The following ARHGEF33 variants were observed in gnomAD, a reference collection of about 807,000 sequenced individuals.
ARHGEF33 encodes Rho guanine nucleotide exchange factor 33.
A neutral mutation model predicts 101.9 loss-of-function variants in ARHGEF33; 72 were observed. That is an observed-to-expected ratio of 0.71 (90% CI 0.58 to 0.86). ARHGEF33 has a LOEUF of 0.86. ARHGEF33 is among the 40% of genes least tolerant of loss of function. The probability of loss-of-function intolerance (pLI) is 0.00; values close to 1 mark genes in which losing one functional copy is unlikely to be tolerated. For missense variants in ARHGEF33, 1,169 were observed against 1,111.3 expected, an observed-to-expected ratio of 1.05 and a Z score of -0.74; for synonymous variants, 499 against 442.5, an observed-to-expected ratio of 1.13 and a Z score of -1.60.
intron 10 of ARHGEF33, among the ~76,000 whole-genome samples, chr2:38,946,357 A>T (rs1053615233): frequency 6.6e-6 from 1 of 152,220 alleles, no homozygotes; most frequent in Non-Finnish European, 1.5e-5. Flanking sequence ...ACAATCCTCT[A>T]TGAAAGTAAG....
At chr2:38,964,729 CTG>C (rs1432512324) in intron 16 of ARHGEF33, among the ~76,000 whole-genome samples, 1 of 152,060 alleles carries the variant, frequency 6.6e-6, no homozygotes, top group African/African-American at 2.4e-5. Context: ...TCACCTTCTG[CTG>C]TGTGGCCCAG....
chr2:38,955,433 G>C (rs1221710653), intron 13 of ARHGEF33, among the ~76,000 whole-genome samples: 1 of 149,850 alleles, frequency 6.7e-6, no homozygotes, highest in Non-Finnish European at 1.5e-5. Flanking sequence ...TTAATTTCAG[G>C]TAGAAGTAGT....
chr2:38,912,990 A>G (rs1337074736), intron 2 of ARHGEF33, among the ~76,000 whole-genome samples: 1 of 151,846 alleles, frequency 6.6e-6, no homozygotes, highest in Non-Finnish European at 1.5e-5. Context: ...TGTCTCCACC[A>G]TTCCTTATAT....
chr2:38,954,502 A>T, intron 13 of ARHGEF33, 46 bp downstream of exon 13: 5 of 1,190,998 alleles, frequency 4.2e-6, no homozygotes, highest in Non-Finnish European at 3.7e-6. Context: ...CATGCTAAGT[A>T]ATTATTGGTT....
intron 4 of ARHGEF33, among the ~76,000 whole-genome samples, chr2:38,923,143 T>C (rs1304195823): frequency 1.3e-5 from 2 of 152,196 alleles, no homozygotes; most frequent in East Asian, 1.9e-4. Context: ...CATTATCTTA[T>C]TGCACTACAA....
At chr2:38,962,083 A>C (rs747969958) in intron 16 of ARHGEF33, among the ~76,000 whole-genome samples, 1 of 152,216 alleles carries the variant, frequency 6.6e-6, no homozygotes, top group Non-Finnish European at 1.5e-5. Context: ...TAGTGTGCTC[A>C]GCTAAAGCTG....
Position 38,906,151 on chromosome 2 carries a change from C to T in ARHGEF33, c.-86+10302C>T, listed in dbSNP as rs139133929. ...CAAGATTGAGCCAAGATTGTGCCAC[C>T]GCACTCCAGCCTGGGTGACAGAGCA... On this transcript the variant is annotated intron_variant, in intron 2 of 17. Coordinates refer to ENST00000409978, the MANE Select transcript of ARHGEF33 (RefSeq NM_001145451.5). Among the ~76,000 whole-genome samples, 1,005 of 148,080 alleles carry T rather than the reference C, an allele frequency of 6.8e-3. 13 individuals are homozygous for T. The highest frequency in any genetic ancestry group is 0.023 in the African/African-American group (935 of 39,956).
chr2:38,894,300 C>A (rs1187295461), intron 1 of ARHGEF33, among the ~76,000 whole-genome samples: 1 of 151,724 alleles, frequency 6.6e-6, no homozygotes, highest in Non-Finnish European at 1.5e-5. Flanking sequence ...CCACTGCACT[C>A]CAGCCTGGGC....
At chr2:38,953,108 A>G (rs1351704787) in intron 11 of ARHGEF33, 54 bp from the exon 12 acceptor site, 1 of 818,082 alleles carries the variant, frequency 1.2e-6, no homozygotes, top group African/African-American at 1.7e-5. Flanking sequence ...CTATAAAAAT[A>G]TTATAGATCC....
At chr2:38,931,002 C>A in intron 6 of ARHGEF33, 107 bp from the exon 7 acceptor site, 1 of 861,224 alleles carries the variant, frequency 1.2e-6, no homozygotes, top group South Asian at 2.3e-5. Flanking sequence ...TTATATAGTT[C>A]AACCTAATAA....
At chr2:38,922,004 T>G (rs1173635761) in intron 4 of ARHGEF33, among the ~76,000 whole-genome samples, 1 of 152,148 alleles carries the variant, frequency 6.6e-6, no homozygotes, top group African/African-American at 2.4e-5. Flanking sequence ...ACAATTTGCT[T>G]TACAAGGAAG....
At chr2:38,959,364 C>T (rs964897461) in intron 15 of ARHGEF33, 1 of 153,080 alleles carries the variant, frequency 6.5e-6, no homozygotes, top group Admixed American at 6.5e-5. Context: ...GTGAACTCCA[C>T]ATGCCCTCAT....
Position 38,913,216 on chromosome 2 carries a change from G to C in ARHGEF33, c.-85-6147G>C, listed in dbSNP as rs58412684. 1.2e-3 allele frequency among the ~76,000 whole-genome samples: 186 copies of C among 152,138 alleles called. 1 individual carries two copies. The highest frequency in any genetic ancestry group is 8.7e-3 in the East Asian group (45 of 5,168). On this transcript the variant is annotated intron_variant, in intron 2 of 17. Transcript: ENST00000409978. Reference sequence around the variant, plus strand: ...AAATTTGATGAACTTAAGGAAATACGTAGTTTCCTAGGAAAATACAAGTGA... The same window carrying C: ...AAATTTGATGAACTTAAGGAAATACCTAGTTTCCTAGGAAAATACAAGTGA...
chr2:38,934,948 G>T (rs1486478912), intron 7 of ARHGEF33, among the ~76,000 whole-genome samples: 1 of 151,898 alleles, frequency 6.6e-6, no homozygotes, highest in Non-Finnish European at 1.5e-5. Context: ...AGCAGCCAGT[G>T]TCAGGGTCCC....
At chr2:38,967,750 T>C (rs1668082416) in intron 17 of ARHGEF33, among the ~76,000 whole-genome samples, 1 of 150,544 alleles carries the variant, frequency 6.6e-6, no homozygotes, top group Non-Finnish European at 1.5e-5. Flanking sequence ...CTATTTTTTT[T>C]TTTTTTTTTT....
chr2:38,902,615 G>A (rs1449293440), intron 2 of ARHGEF33, among the ~76,000 whole-genome samples: 1 of 152,106 alleles, frequency 6.6e-6, no homozygotes, highest in East Asian at 1.9e-4. Context: ...AGTAGTTATG[G>A]TGGGTGCAGT....
intron 17 of ARHGEF33, among the ~76,000 whole-genome samples, chr2:38,970,791 C>G (rs1668151091): frequency 6.6e-6 from 1 of 152,200 alleles, no homozygotes; most frequent in Non-Finnish European, 1.5e-5. Flanking sequence ...TTTGGGCTCT[C>G]CAAACTCATG....
intron 17 of ARHGEF33, among the ~76,000 whole-genome samples, chr2:38,968,803 C>G (rs1264947993): frequency 6.6e-6 from 1 of 152,204 alleles, no homozygotes; most frequent in Non-Finnish European, 1.5e-5. Context: ...TAGATCTGGC[C>G]TAGGGCAGTC....
In ARHGEF33 at chr2:38,901,578, C is replaced by T. The variant is rs149055631; in HGVS notation, c.-86+5729C>T. 4.2e-3 allele frequency among the ~76,000 whole-genome samples: 643 copies of T among 152,360 alleles called. 4 individuals carry two copies. The highest frequency in any genetic ancestry group is 0.011 in the African/African-American group (451 of 41,588). On this transcript the variant is annotated intron_variant, in intron 2 of 17. Coordinates refer to ENST00000409978, the MANE Select transcript of ARHGEF33 (RefSeq NM_001145451.5). ...CCTCAGGAGAATTCTGCATTTGCTG[C>T]TTCTGTTATCTCTACTGATCTCAGG...
Sources: gnomAD v4.1 joint callset for allele counts (sites outside exome capture counted in the v4.1 genomes callset) on GRCh38, gnomAD v4.1.1 for gene constraint, MANE v1.5 for transcripts, NCBI Gene and HGNC (gene_info 2026-07-23, HGNC 2026-07-21) for gene names.